USP54: variants seen among roughly 807,000 people sequenced by gnomAD.
USP54 encodes ubiquitin carboxyl-terminal hydrolase 54.
Under a neutral mutation model 170.5 loss-of-function variants are expected in USP54, and 87 were observed. That is an observed-to-expected ratio of 0.51 (90% confidence interval 0.43 to 0.61). The LOEUF (loss-of-function observed/expected upper bound fraction) is 0.61. Among genes scored for constraint, USP54 ranks in the 20% least tolerant of loss-of-function variants. The probability of loss-of-function intolerance (pLI) is 0.00; values close to 1 mark genes in which losing one functional copy is unlikely to be tolerated. For synonymous variants in USP54, 655 were observed against 742.8 expected, an observed-to-expected ratio of 0.88 and a Z score of 1.92; for missense variants, 1,786 against 2,047.8, an observed-to-expected ratio of 0.87 and a Z score of 2.47.
At chr10:73,512,577 G>A (rs992123336) in intron 20 of USP54, among the ~76,000 whole-genome samples, 2 of 152,038 alleles carry the variant, frequency 1.3e-5, no homozygotes, top group African/African-American at 2.4e-5. Flanking sequence ...GCTGTTCACA[G>A]GCATGTGCTC....
Position 73,505,008 on chromosome 10 carries a change from C to A in USP54, c.4171-18G>T. 6.2e-7 allele frequency: 1 copy of A among 1,614,062 alleles called. No homozygotes were observed. Among genetic ancestry groups the A allele is most frequent in the African/African-American group, 1.3e-5 (1 of 75,032 alleles). Reference sequence around the variant, plus strand: ...GGTGTAGCCTTCAAACACACAGACACATACAGGCAGACACATAATACCAGA... The same window carrying A: ...GGTGTAGCCTTCAAACACACAGACAAATACAGGCAGACACATAATACCAGA... On this transcript the variant is annotated intron_variant, in intron 21 of 23. Coordinates refer to ENST00000687698, the MANE Select transcript of USP54 (RefSeq NM_001391956.1).
Position 73,561,503 on chromosome 10 carries a change from G to A in USP54, c.240+9918C>T, listed in dbSNP as rs547237589. Among the ~76,000 whole-genome samples, 13 of 152,116 alleles carry A rather than the reference G, an allele frequency of 8.5e-5. No homozygotes were observed. In the East Asian group the frequency reaches 2.1e-3, roughly 25 times the overall value. Reference sequence around the variant, plus strand: ...ATTTAAAATTTAAATAAAACTTCATGAAGAAGCTAACTTCTGAAGCAGAGT... The same window carrying A: ...ATTTAAAATTTAAATAAAACTTCATAAAGAAGCTAACTTCTGAAGCAGAGT... On this transcript the variant is annotated intron_variant, in intron 4 of 23. Transcript: ENST00000687698.
chr10:73,541,793 T>G, intron 7 of USP54, 55 bp from the exon 8 acceptor site: 1 of 1,533,302 alleles, frequency 6.5e-7, no homozygotes, highest in East Asian at 2.3e-5. Flanking sequence ...TACTGCTAAA[T>G]CAAACATTAA....
chr10:73,600,368 C>A (rs1007237717), intron 1 of USP54, among the ~76,000 whole-genome samples: 1 of 152,006 alleles, frequency 6.6e-6, no homozygotes, highest in Non-Finnish European at 1.5e-5. Flanking sequence ...CATGGTAGAT[C>A]CTGTGGTGAT....
rs543001354 is a variant in USP54 at position 73,558,282 on chromosome 10, A to T, written c.241-12610T>A. Reference sequence around the variant, plus strand: ...ATGAAAGGCATAATTAGTAACTTGCATGCAAGATTTTGAGGCTGAATTTGC... The same window carrying T: ...ATGAAAGGCATAATTAGTAACTTGCTTGCAAGATTTTGAGGCTGAATTTGC... On this transcript the variant is annotated intron_variant, in intron 4 of 23. Transcript: ENST00000687698. Among the ~76,000 whole-genome samples, 12 of 152,314 alleles carry T rather than the reference A, an allele frequency of 7.9e-5. No individual in the cohort carries two copies. The South Asian group carries it at 2.3e-3, about 29-fold the overall frequency.
At chr10:73,594,148 G>A (rs2132233023), upstream of USP54, among the ~76,000 whole-genome samples, 1 of 151,766 alleles carries the variant, frequency 6.6e-6, no homozygotes, top group Admixed American at 6.6e-5. Flanking sequence ...TCGGTTCACT[G>A]CAACCTCCAC....
At chr10:73,577,286 A>T (rs550843909) in intron 1 of USP54, among the ~76,000 whole-genome samples, 53 of 152,362 alleles carry the variant, frequency 3.5e-4, no homozygotes, top group African/African-American at 1.3e-3. Flanking sequence ...TTAACATCTT[A>T]ATCATTCTCT....
intron 4 of USP54, 127 bp from the exon 5 acceptor site, chr10:73,545,799 A>T: frequency 9.6e-7 from 1 of 1,037,950 alleles, no homozygotes; most frequent in South Asian, 1.6e-5. Context: ...CCATGGGTTG[A>T]CATGCTTGCA....
chr10:73,539,586 A>C lies in USP54; in HGVS notation c.833T>G (p.Phe278Cys). 1.3e-6 allele frequency: 2 copies of C among 1,595,322 alleles called. No homozygotes were observed. Among genetic ancestry groups the C allele is most frequent in the Non-Finnish European group, 1.7e-6 (2 of 1,167,922 alleles). Residue 278 changes from phenylalanine to cysteine, a missense_variant, in exon 10 of 24, where the codon TTC becomes TGC. By Grantham distance (205) the Phe-to-Cys change is radical (BLOSUM62 -2). Coordinates refer to ENST00000687698, the MANE Select transcript of USP54 (RefSeq NM_001391956.1). ...CTTGGCCCGGTCATCCGTCACTCTG[A>C]AAAACAGCTGAGGGGAAAGAAGAGA... ...GTCLKLGDLF[F>C]RVTDDRAKQS...
intron 3 of USP54, among the ~76,000 whole-genome samples, chr10:73,573,871 G>A (rs1390674052): frequency 6.6e-6 from 1 of 152,232 alleles, no homozygotes; most frequent in Non-Finnish European, 1.5e-5. Context: ...ACTATTACCT[G>A]TACAAAGTCA....
intron 1 of USP54, among the ~76,000 whole-genome samples, chr10:73,618,004 A>G (rs2080782868): frequency 6.6e-6 from 1 of 150,420 alleles, no homozygotes; most frequent in Non-Finnish European, 1.5e-5. Flanking sequence ...TGAGGTCAGG[A>G]GTTCGAGACC....
Position 73,624,220 on chromosome 10 carries a change from C to T in USP54, c.-18+1347G>A, listed in dbSNP as rs1365890394. 7.0e-4 allele frequency among the ~76,000 whole-genome samples: 71 copies of T among 101,168 alleles called. No homozygotes were observed. In the Middle Eastern group the frequency reaches 0.026, roughly 37 times the overall value. The allele number at this position is 101,168 out of a possible 152,430, so 66.4% of individuals were successfully genotyped here. A position where few individuals can be genotyped will look rare whatever the true frequency, so the allele number is the denominator to read the frequency against. ...TGTATTTTTTTTTTTTTTTTTGAGACGGAGTCTCGCTCTGTCGCCCAGACT... is the reference window on the plus strand; with the variant it reads ...TGTATTTTTTTTTTTTTTTTTGAGATGGAGTCTCGCTCTGTCGCCCAGACT... On this transcript the variant is annotated intron_variant, in intron 1 of 22. Transcript: ENST00000339859.
chr10:73,533,387 T>G (rs979019469), intron 12 of USP54, among the ~76,000 whole-genome samples: 3 of 151,948 alleles, frequency 2.0e-5, no homozygotes, highest in African/African-American at 7.3e-5. Flanking sequence ...ATGGAAAATG[T>G]GATATAATGC....
In USP54 at chr10:73,498,338, C is replaced by T. The variant is rs1445348512; in HGVS notation, c.*291G>A. The stretch of plus-strand genomic sequence containing the variant: ...ATTGCCAAGCTGGAGTGCAGTGGTG[C>T]GATCTCGGCTCACTGCAACCTCTGC... On this transcript the variant is annotated 3_prime_UTR_variant, in exon 24 of 24. Coordinates refer to ENST00000687698, the MANE Select transcript of USP54 (RefSeq NM_001391956.1). 3 of 194,736 alleles carry T rather than the reference C, an allele frequency of 1.5e-5. No homozygotes were observed. The highest frequency in any genetic ancestry group is 2.3e-5 in the African/African-American group (1 of 42,822). The allele number at this position is 194,736 out of a possible 1,614,324, so 12.1% of individuals were successfully genotyped here.
At chr10:73,568,782 C>T (rs145607881) in intron 4 of USP54, among the ~76,000 whole-genome samples, 3 of 152,196 alleles carry the variant, frequency 2.0e-5, no homozygotes, top group Non-Finnish European at 1.5e-5. Context: ...TTTATCTATC[C>T]ACCACAAGCA....
intron 4 of USP54, among the ~76,000 whole-genome samples, chr10:73,552,412 CAAAA>C (rs77565476): frequency 2.1e-5 from 2 of 95,432 alleles, no homozygotes; most frequent in African/African-American, 4.1e-5. Context: ...GGCTCCATCT[CAAAA>C]AAAAAAAAAA....
intron 4 of USP54, among the ~76,000 whole-genome samples, chr10:73,556,803 C>T (rs1372074671): frequency 2.6e-5 from 4 of 152,076 alleles, no homozygotes; most frequent in African/African-American, 9.7e-5. Context: ...TACCTTCCTG[C>T]CCCATTAGAA....
chr10:73,622,207 T>C (rs915732888), intron 1 of USP54, among the ~76,000 whole-genome samples: 7 of 152,226 alleles, frequency 4.6e-5, no homozygotes, highest in Admixed American at 4.6e-4. Context: ...GAGCAGAGTG[T>C]TGTTATAAGA....
upstream of USP54, among the ~76,000 whole-genome samples, chr10:73,594,757 A>T (rs1329271115): frequency 6.6e-6 from 1 of 152,144 alleles, no homozygotes; most frequent in Non-Finnish European, 1.5e-5. Flanking sequence ...AGTTCTAGCA[A>T]ACAAAAATTA....
Sources: allele counts gnomAD v4.1 joint callset (sites outside exome capture counted in the v4.1 genomes callset), GRCh38; gene constraint gnomAD v4.1.1; transcripts MANE v1.5; gene names NCBI Gene and HGNC (gene_info 2026-07-23, HGNC 2026-07-21).